ARHGAP44: variants seen among roughly 807,000 people sequenced by gnomAD.
ARHGAP44 encodes the protein rho GTPase-activating protein 44.
ARHGAP44 carries 43 observed loss-of-function variants against 106.8 expected under a neutral mutation model. The ratio of observed to expected loss-of-function variants is 0.40; its 90% CI spans 0.32 to 0.52. The LOEUF is 0.52. Among genes scored for constraint, ARHGAP44 ranks in the 20% least tolerant of loss-of-function variants. The pLI is 0.48. For synonymous variants in ARHGAP44, 439 were observed against 410.3 expected (o/e 1.07, Z -0.85); for missense variants, 866 against 1,050.5 (o/e 0.82, Z 2.43).
At chr17:12,865,477 C>T (rs1455511993) in intron 1 of ARHGAP44, among the ~76,000 whole-genome samples, 6 of 151,952 alleles carry the variant, frequency 3.9e-5, no homozygotes, top group Admixed American at 6.6e-5. Flanking sequence ...CTCAACAAGC[C>T]GAAAGGTAAG....
At chr17:12,849,526 G>C (rs2035676132) in intron 1 of ARHGAP44, among the ~76,000 whole-genome samples, 1 of 145,568 alleles carries the variant, frequency 6.9e-6, no homozygotes, top group Admixed American at 6.9e-5. Flanking sequence ...CTCTGCTTCT[G>C]ACATTAGTGC....
At chr17:12,802,238 C>G (rs926132601) in intron 1 of ARHGAP44, among the ~76,000 whole-genome samples, 2 of 152,090 alleles carry the variant, frequency 1.3e-5, no homozygotes, top group African/African-American at 4.8e-5. Flanking sequence ...TTAGGGTTCT[C>G]TGGATGCAGC....
chr17:12,936,316 A>G (rs1219875375), intron 7 of ARHGAP44, among the ~76,000 whole-genome samples: 1 of 152,152 alleles, frequency 6.6e-6, no homozygotes, highest in East Asian at 1.9e-4. Context: ...CTAGAGAATA[A>G]TTTCATTGCC....
chr17:12,802,542 A>G (rs926371299), intron 1 of ARHGAP44, among the ~76,000 whole-genome samples: 1 of 152,126 alleles, frequency 6.6e-6, no homozygotes, highest in African/African-American at 2.4e-5. Flanking sequence ...ACAGTCTACA[A>G]TGACAGCAGT....
chr17:12,966,989 G>A (rs2039406227), intron 16 of ARHGAP44, among the ~76,000 whole-genome samples: 1 of 151,934 alleles, frequency 6.6e-6, no homozygotes, highest in Admixed American at 6.6e-5. Flanking sequence ...ATTCTTCTTG[G>A]AGCTGGGATC....
intron 1 of ARHGAP44, among the ~76,000 whole-genome samples, chr17:12,892,356 C>T (rs1428413441): frequency 6.9e-6 from 1 of 145,082 alleles, no homozygotes; most frequent in Non-Finnish European, 1.5e-5. Context: ...TTTCTTTCAC[C>T]TTGGTTTCAA....
intron 7 of ARHGAP44, among the ~76,000 whole-genome samples, chr17:12,929,887 G>T (rs1039180780): frequency 2.0e-5 from 3 of 152,194 alleles, no homozygotes; most frequent in African/African-American, 7.2e-5. Context: ...TCATGGCTCT[G>T]TCTAGTCTTA....
chr17:12,821,996 G>A (rs888671273), intron 1 of ARHGAP44, among the ~76,000 whole-genome samples: 9 of 152,138 alleles, frequency 5.9e-5, no homozygotes, highest in Admixed American at 2.0e-4. Flanking sequence ...ATGGGCTTGG[G>A]ATTTCATTAG....
intron 1 of ARHGAP44, among the ~76,000 whole-genome samples, chr17:12,877,092 ATTGT>A (rs2036580678): frequency 6.6e-6 from 1 of 152,132 alleles, no homozygotes; most frequent in South Asian, 2.1e-4. Context: ...TTTATCTGAA[ATTGT>A]TTGTAATAAG....
chr17:12,878,266 T>C (rs2036618734), intron 1 of ARHGAP44, among the ~76,000 whole-genome samples: 1 of 152,026 alleles, frequency 6.6e-6, no homozygotes. Flanking sequence ...TATTTTTTCA[T>C]GGAACAAATT....
intron 1 of ARHGAP44, among the ~76,000 whole-genome samples, chr17:12,877,608 G>A (rs1374672590): frequency 6.6e-6 from 1 of 152,066 alleles, no homozygotes; most frequent in African/African-American, 2.4e-5. Flanking sequence ...AAATTAGCCG[G>A]GCGAGGTGGC....
Position 12,813,877 on chromosome 17 carries a change from G to T in ARHGAP44, c.53+23986G>T, listed in dbSNP as rs148262993. Among the ~76,000 whole-genome samples, 6 of 152,300 alleles carry T rather than the reference G, an allele frequency of 3.9e-5. No homozygotes were observed. The East Asian group carries it at 1.2e-3, about 29-fold the overall frequency. ...TTCTCCTGGCTCACGGTGAGTACCA[G>T]TGTGGAACTGGGACACACGTAGTCC... On this transcript the variant is annotated intron_variant, in intron 1 of 20. Transcript: ENST00000379672.
intron 1 of ARHGAP44, among the ~76,000 whole-genome samples, chr17:12,818,225 C>T (rs1227816113): frequency 1.3e-5 from 2 of 150,106 alleles, no homozygotes; most frequent in Non-Finnish European, 3.0e-5. Flanking sequence ...TTAAATGACT[C>T]AACTGGTACA....
intron 18 of ARHGAP44, among the ~76,000 whole-genome samples, chr17:12,974,552 T>G (rs1441073911): frequency 6.6e-6 from 1 of 152,080 alleles, no homozygotes; most frequent in African/African-American, 2.4e-5. Context: ...GGTGGCAGCT[T>G]GCGAAGGCAG....
At chr17:12,889,228 C>T (rs999979257) in intron 1 of ARHGAP44, among the ~76,000 whole-genome samples, 2 of 151,740 alleles carry the variant, frequency 1.3e-5, no homozygotes, top group Non-Finnish European at 2.9e-5. Flanking sequence ...TTGAGAATTC[C>T]ATTGATGTAT....
At chr17:12,973,781 C>G in intron 17 of ARHGAP44, 1 of 535,950 alleles carries the variant, frequency 1.9e-6, no homozygotes, top group South Asian at 2.3e-5. Flanking sequence ...GGCCATCATC[C>G]TGAGCTGGCT....
Position 12,949,084 on chromosome 17 carries a change from C to A in ARHGAP44, c.862-56C>A. ...GAAGCAGGCAGTTGCGGGGTCTCTG[C>A]GCTTTGATGTTGTACCTTGGAGTTG... On this transcript the variant is annotated intron_variant, in intron 10 of 20. Transcript: ENST00000379672. The surrounding 1 kb of genome is among the most constrained non-coding windows in gnomAD (Gnocchi z 4.1). The A allele has an allele frequency of 1.3e-6, 2 of 1,491,620 alleles. No individual in the cohort carries two copies. The highest frequency in any genetic ancestry group is 9.1e-7 in the Non-Finnish European group (1 of 1,096,884). The allele number at this position is 1,491,620 out of a possible 1,614,324, so 92.4% of individuals were successfully genotyped here. A position where few individuals can be genotyped will look rare whatever the true frequency, so the allele number is the denominator to read the frequency against.
intron 1 of ARHGAP44, among the ~76,000 whole-genome samples, chr17:12,823,885 C>T (rs116003203): frequency 2.1e-3 from 313 of 152,264 alleles, no homozygotes; most frequent in African/African-American, 7.2e-3. Context: ...ACCACTCTGC[C>T]CAACCTCAGT....
chr17:12,990,281 C>T lies in ARHGAP44; in HGVS notation c.*110C>T. The T allele has an allele frequency of 2.2e-6, 3 of 1,379,156 alleles. No homozygotes were observed. The African/African-American group carries it at 4.3e-5, about 20-fold the overall frequency. 85.4% of individuals were successfully genotyped at this position (1,379,156 alleles called of 1,614,324 possible). A position where few individuals can be genotyped will look rare whatever the true frequency, so the allele number is the denominator to read the frequency against. On this transcript the variant is annotated 3_prime_UTR_variant, in exon 21 of 21. Coordinates refer to ENST00000379672, the MANE Select transcript of ARHGAP44 (RefSeq NM_014859.6). ...AGTGTTCTCTGCTGGCTCTTTCCTG[C>T]CACTGCCAACACGAGGTTGGAATTT...
Sources: gnomAD v4.1 joint callset for allele counts (sites outside exome capture counted in the v4.1 genomes callset) on GRCh38, gnomAD v4.1.1 for gene constraint, Gnocchi (gnomAD v3.1) non-coding constraint, MANE v1.5 for transcripts, NCBI Gene and HGNC (gene_info 2026-07-23, HGNC 2026-07-21) for gene names.